FOXO3: variants seen among roughly 807,000 people sequenced by gnomAD.
The protein encoded by FOXO3 is forkhead box O3.
A neutral mutation model predicts 41.9 loss-of-function variants in FOXO3; 4 were observed. The observed-to-expected ratio is 0.10, with a 90% confidence interval of 0.05 to 0.22. FOXO3 has a LOEUF of 0.22. Ranked by LOEUF, FOXO3 falls within the 10% of genes least tolerant of loss-of-function variation. The pLI is 1.00. For missense variants in FOXO3, 534 were observed against 906.8 expected (o/e 0.59, Z 5.28); for synonymous variants, 318 against 389.3 (o/e 0.82, Z 2.16).
chr6:108,646,430 A>G (rs1778394787), intron 1 of FOXO3, among the ~76,000 whole-genome samples: 1 of 152,174 alleles, frequency 6.6e-6, no homozygotes, highest in Admixed American at 6.5e-5. Context: ...GTCCTTCAAA[A>G]ACTTTGCACC....
At chr6:108,575,378 TAAAAAAAAAAAAAA>T (rs1384820225) in intron 1 of FOXO3, among the ~76,000 whole-genome samples, 1 of 121,260 alleles carries the variant, frequency 8.2e-6, no homozygotes, top group African/African-American at 3.1e-5. Flanking sequence ...ACTTAATACC[TAAAAAAAAAAAAAA>T]GAAAAGAAAA....
At chr6:108,599,035 T>G (rs1031866478) in intron 1 of FOXO3, among the ~76,000 whole-genome samples, 13 of 152,344 alleles carry the variant, frequency 8.5e-5, no homozygotes, top group African/African-American at 2.9e-4. Flanking sequence ...AAACTTGAGA[T>G]GTATACAGAG....
intron 1 of FOXO3, among the ~76,000 whole-genome samples, chr6:108,582,765 G>C (rs967854650): frequency 1.3e-5 from 2 of 152,004 alleles, no homozygotes; most frequent in Admixed American, 1.3e-4. Context: ...AAACAGGACG[G>C]TAGGCCAGTC....
rs191515011 is a variant in FOXO3 at position 108,661,191 on chromosome 6, G to A, written c.622-2264G>A. Among the ~76,000 whole-genome samples the A allele has an allele frequency of 3.9e-3, 586 of 152,188 alleles. 3 individuals are homozygous for A. Among genetic ancestry groups the A allele is most frequent in the African/African-American group, 0.014 (567 of 41,528 alleles). On this transcript the variant is annotated intron_variant, in intron 1 of 2. Coordinates refer to ENST00000406360, the MANE Select transcript of FOXO3 (RefSeq NM_001455.4). ...CTGGAGGCGGAGGTTGCAGTGAGCC[G>A]AGATCAAGCCATTGCACTCCAGCCT...
intron 1 of FOXO3, among the ~76,000 whole-genome samples, chr6:108,601,273 AG>A (rs961767152): frequency 1.3e-5 from 2 of 151,598 alleles, no homozygotes; most frequent in African/African-American, 4.9e-5. Context: ...CGGCCTCCCA[AG>A]GTGTCCTAGT....
chr6:108,641,876 T>C (rs1778268424), intron 1 of FOXO3, among the ~76,000 whole-genome samples: 2 of 152,176 alleles, frequency 1.3e-5, no homozygotes, highest in Non-Finnish European at 2.9e-5. Flanking sequence ...AAATAGACTG[T>C]ACTTTGAATA....
intron 1 of FOXO3, among the ~76,000 whole-genome samples, chr6:108,603,825 T>C (rs911379604): frequency 3.9e-5 from 6 of 152,144 alleles, no homozygotes; most frequent in Admixed American, 1.3e-4. Flanking sequence ...TCTGACAGCA[T>C]TATTGAAGCT....
Position 108,681,746 on chromosome 6 carries a change from A to C in FOXO3, c.*1954A>C, listed in dbSNP as rs1199276051. ...CTACATGTTTATAATCTTCATTTTT[A>C]AAGTATGTGTAATTTTTTTAAGTAT... On this transcript the variant is annotated 3_prime_UTR_variant, in exon 3 of 3. Transcript: ENST00000406360. The C allele has an allele frequency of 6.6e-6, 1 of 152,518 alleles. No individual in the cohort carries two copies. The highest frequency in any genetic ancestry group is 1.5e-5 in the Non-Finnish European group (1 of 68,044). The allele number at this position is 152,518 out of a possible 1,614,324, so 9.4% of individuals were successfully genotyped here. A position where few individuals can be genotyped will look rare whatever the true frequency, so the allele number is the denominator to read the frequency against.
At chr6:108,629,768 A>G (rs1446804481) in intron 1 of FOXO3, among the ~76,000 whole-genome samples, 1 of 151,982 alleles carries the variant, frequency 6.6e-6, no homozygotes, top group African/African-American at 2.4e-5. Context: ...ACTTGTCTTT[A>G]AGCATCTCTG....
chr6:108,561,194 G>A lies in FOXO3; in HGVS notation c.-15G>A. 6.5e-7 allele frequency: 1 copy of A among 1,529,418 alleles called. No individual in the cohort carries two copies. Among genetic ancestry groups the A allele is most frequent in the Non-Finnish European group, 8.8e-7 (1 of 1,140,014 alleles). 94.7% of individuals were successfully genotyped at this position (1,529,418 alleles called of 1,614,324 possible). ...GAGCGCGAGAGCCCCAGCCGCGGGCGGGCGGGCGGCGAAGATGGCAGAGGC... is the reference window on the plus strand; with the variant it reads ...GAGCGCGAGAGCCCCAGCCGCGGGCAGGCGGGCGGCGAAGATGGCAGAGGC... On this transcript the variant is annotated 5_prime_UTR_variant, in exon 1 of 3. Coordinates refer to ENST00000406360, the MANE Select transcript of FOXO3 (RefSeq NM_001455.4).
intron 1 of FOXO3, among the ~76,000 whole-genome samples, chr6:108,570,581 G>T (rs1776071340): frequency 6.6e-6 from 1 of 152,108 alleles, no homozygotes; most frequent in Non-Finnish European, 1.5e-5. Flanking sequence ...TCTTACTTGG[G>T]CCTCCTAAAG....
intron 1 of FOXO3, among the ~76,000 whole-genome samples, chr6:108,647,771 CTG>C (rs1480981884): frequency 6.6e-6 from 1 of 152,176 alleles, no homozygotes; most frequent in Non-Finnish European, 1.5e-5. Context: ...CTTTACAAAA[CTG>C]TGGCAAATGA....
At chr6:108,583,699 T>C (rs1214276153) in intron 1 of FOXO3, among the ~76,000 whole-genome samples, 2 of 152,234 alleles carry the variant, frequency 1.3e-5, no homozygotes, top group Non-Finnish European at 2.9e-5. Context: ...TGGCAGTCTC[T>C]GGAATAAGGA....
chr6:108,564,803 A>G (rs1307574284), intron 1 of FOXO3, among the ~76,000 whole-genome samples: 4 of 148,756 alleles, frequency 2.7e-5, no homozygotes, highest in Non-Finnish European at 6.0e-5. Flanking sequence ...TTTTTTTTTC[A>G]AGTTTCTTAG....
rs138742093 is a variant in FOXO3 at position 108,664,071 on chromosome 6, G to C, written c.1238G>C (p.Ser413Thr). 158 of 1,614,160 alleles carry C rather than the reference G, an allele frequency of 9.8e-5. No homozygotes were observed. The highest frequency in any genetic ancestry group is 3.3e-4 in the Middle Eastern group (2 of 6,062). The stretch of plus-strand genomic sequence containing the variant: ...GGGGGACTCATGCAGCGGAGCTCTA[G>C]CTTCCCGTATACCACCAAGGGCTCG... ...PTGGLMQRSSSFPYTTKGSGL... is the reference protein window; with the variant it reads ...PTGGLMQRSSTFPYTTKGSGL... Residue 413 changes from serine to threonine, a missense_variant, in exon 2 of 3, where the codon AGC (serine) becomes ACC (threonine). By Grantham distance (58) the Ser-to-Thr change is moderately conservative (BLOSUM62 1). This residue lies in a region of FOXO3 where 185 missense variants were observed against 224.9 expected (regional missense o/e 0.82). Transcript: ENST00000406360.
At position 108,637,915 on chromosome 6, in the gene FOXO3, TA is replaced by T. The variant is rs571856971; in HGVS notation, c.622-25535del. Among the ~76,000 whole-genome samples the T allele has an allele frequency of 8.0e-3, 1,218 of 152,274 alleles. 17 individuals are homozygous for T. The highest frequency in any genetic ancestry group is 0.028 in the African/African-American group (1,154 of 41,552). Reference sequence around the variant, plus strand: ...GAGTATTAATGACAGTTTAATGTGTTAAAAATACATATATTCAATGTTAAAT... The same window carrying T: ...GAGTATTAATGACAGTTTAATGTGTTAAAATACATATATTCAATGTTAAAT... On this transcript the variant is annotated intron_variant, in intron 1 of 2. Transcript: ENST00000406360.
chr6:108,584,577 T>G (rs1236399258), intron 1 of FOXO3, among the ~76,000 whole-genome samples: 1 of 152,180 alleles, frequency 6.6e-6, no homozygotes, highest in Non-Finnish European at 1.5e-5. Context: ...ATAACTTGGT[T>G]CATCCGTAAC....
chr6:108,584,244 T>A (rs1776513002), intron 1 of FOXO3, among the ~76,000 whole-genome samples: 1 of 152,224 alleles, frequency 6.6e-6, no homozygotes, highest in Admixed American at 6.5e-5. Flanking sequence ...TAATCCACCT[T>A]GCCTAGAAAG....
intron 1 of FOXO3, among the ~76,000 whole-genome samples, chr6:108,601,645 C>T (rs1413966117): frequency 6.6e-6 from 1 of 152,202 alleles, no homozygotes; most frequent in Non-Finnish European, 1.5e-5. Context: ...ACCTCCTTTC[C>T]CCTGCCTAAC....
Sources: allele counts gnomAD v4.1 joint callset (sites outside exome capture counted in the v4.1 genomes callset), GRCh38; gene constraint gnomAD v4.1.1; regional missense constraint gnomAD v4.1.1; transcripts MANE v1.5; gene names NCBI Gene and HGNC (gene_info 2026-07-23, HGNC 2026-07-21).